Variants in TRPM3 observed in about 807,000 individuals in gnomAD.
The protein encoded by TRPM3 is transient receptor potential cation channel subfamily M member 3.
TRPM3 carries 77 observed loss-of-function variants against 181.2 expected under a neutral mutation model. The observed-to-expected ratio is 0.42, with a 90% CI of 0.35 to 0.51. The LOEUF is 0.51. TRPM3 is among the 20% of genes least tolerant of loss of function. The pLI is 0.01. For synonymous variants in TRPM3, 745 were observed against 796.4 expected (o/e 0.94, Z 1.09); for missense variants, 1,759 against 2,196.7 (o/e 0.80, Z 3.98).
intron 8 of TRPM3, chr9:70,760,593 G>A (rs931028854): frequency 1.3e-5 from 2 of 151,744 alleles, no homozygotes; most frequent in African/African-American, 4.8e-5. Flanking sequence ...AAACCTGGAA[G>A]CTGCTGAAAG....
At chr9:71,325,138 C>A (rs2089571099) in intron 1 of TRPM3, among the ~76,000 whole-genome samples, 1 of 152,060 alleles carries the variant, frequency 6.6e-6, no homozygotes, top group African/African-American at 2.4e-5. Context: ...AAAAAAATTT[C>A]TCACATACCT....
At chr9:70,606,071 C>A (rs1169668794) in intron 19 of TRPM3, among the ~76,000 whole-genome samples, 1 of 152,196 alleles carries the variant, frequency 6.6e-6, no homozygotes, top group African/African-American at 2.4e-5. Flanking sequence ...GGATTTAAAT[C>A]TCAGCTCACA....
intron 6 of TRPM3, among the ~76,000 whole-genome samples, chr9:70,809,570 C>A (rs188073083): frequency 6.6e-6 from 1 of 152,142 alleles, no homozygotes; most frequent in Non-Finnish European, 1.5e-5. Context: ...AGGTTTGTAG[C>A]CTACAAGCAA....
At chr9:71,382,391 A>C (rs1463664396) in intron 1 of TRPM3, among the ~76,000 whole-genome samples, 1 of 152,130 alleles carries the variant, frequency 6.6e-6, no homozygotes, top group Non-Finnish European at 1.5e-5. Context: ...GGTAAAAAAA[A>C]TGGAGGCTCT....
chr9:71,072,277 C>A (rs1030059699), intron 1 of TRPM3, among the ~76,000 whole-genome samples: 3 of 152,092 alleles, frequency 2.0e-5, no homozygotes, highest in Non-Finnish European at 4.4e-5. Flanking sequence ...TTAGGGTGGT[C>A]ATGAATTAAT....
chr9:70,544,200 T>C (rs572438185), intron 25 of TRPM3, among the ~76,000 whole-genome samples: 2 of 152,176 alleles, frequency 1.3e-5, no homozygotes, highest in Non-Finnish European at 2.9e-5. Context: ...TAAAAGCTTT[T>C]CCTGATATTT....
intron 1 of TRPM3, among the ~76,000 whole-genome samples, chr9:71,072,973 G>T (rs1007750241): frequency 5.9e-5 from 9 of 152,172 alleles, no homozygotes; most frequent in African/African-American, 1.9e-4. Context: ...GAAGCTCGAG[G>T]TGGCTGCCTT....
At chr9:71,041,117 C>T (rs1166927471) in intron 1 of TRPM3, among the ~76,000 whole-genome samples, 2 of 152,084 alleles carry the variant, frequency 1.3e-5, no homozygotes, top group African/African-American at 2.4e-5. Context: ...AGAGAATATC[C>T]TTGCTTTGGG....
chr9:71,118,438 T>C (rs931945016), intron 1 of TRPM3, among the ~76,000 whole-genome samples: 1 of 152,170 alleles, frequency 6.6e-6, no homozygotes. Flanking sequence ...AATAAGGAAA[T>C]AGGATTATGA....
At chr9:70,871,498 T>C (rs1373722785) in intron 1 of TRPM3, among the ~76,000 whole-genome samples, 1 of 152,030 alleles carries the variant, frequency 6.6e-6, no homozygotes, top group Admixed American at 6.6e-5. Flanking sequence ...CCATGAACTT[T>C]AACCAAAAAC....
At chr9:70,741,091 A>T (rs1011423013) in intron 8 of TRPM3, among the ~76,000 whole-genome samples, 1 of 152,224 alleles carries the variant, frequency 6.6e-6, no homozygotes, top group Non-Finnish European at 1.5e-5. Context: ...AGAATCTACA[A>T]GAAACTCAAA....
intron 22 of TRPM3, among the ~76,000 whole-genome samples, chr9:70,555,812 T>C (rs2047552785): frequency 6.6e-6 from 1 of 152,186 alleles, no homozygotes; most frequent in Non-Finnish European, 1.5e-5. Flanking sequence ...CACTCCTCTA[T>C]TCTGCCCTTT....
intron 1 of TRPM3, among the ~76,000 whole-genome samples, chr9:71,034,107 T>A (rs557054837): frequency 6.6e-6 from 1 of 152,318 alleles, no homozygotes; most frequent in East Asian, 1.9e-4. Context: ...CCTTTTCTTG[T>A]CAATGTTACA....
chr9:70,883,960 G>T (rs1335658446), intron 1 of TRPM3, among the ~76,000 whole-genome samples: 2 of 152,152 alleles, frequency 1.3e-5, no homozygotes, highest in African/African-American at 4.8e-5. Flanking sequence ...GTATATCAGG[G>T]GCAAGATCCT....
At chr9:71,326,545 G>A (rs1465739932) in intron 1 of TRPM3, among the ~76,000 whole-genome samples, 1 of 152,214 alleles carries the variant, frequency 6.6e-6, no homozygotes, top group Non-Finnish European at 1.5e-5. Flanking sequence ...GGTTGAATGA[G>A]TCATGAACTC....
intron 1 of TRPM3, among the ~76,000 whole-genome samples, chr9:71,026,564 G>A (rs962665819): frequency 8.5e-5 from 13 of 152,108 alleles, no homozygotes; most frequent in South Asian, 2.1e-4. Flanking sequence ...ATGTGTGTGC[G>A]TGTGCACTCT....
chr9:70,566,838 A>C (rs1020337216), intron 22 of TRPM3, among the ~76,000 whole-genome samples: 2 of 152,184 alleles, frequency 1.3e-5, no homozygotes, highest in African/African-American at 4.8e-5. Context: ...CGTGCCAGGG[A>C]GGGCTCAGGT....
At chr9:70,803,031 TGTAAA>T (rs2089594437) in intron 6 of TRPM3, among the ~76,000 whole-genome samples, 1 of 63,218 alleles carries the variant, frequency 1.6e-5, no homozygotes, top group Admixed American at 1.5e-4. Context: ...GGAGAAATTT[TGTAAA>T]AAAAAAAAAA....
At chr9:71,355,934 A>C (rs1451520714) in intron 1 of TRPM3, among the ~76,000 whole-genome samples, 1 of 152,168 alleles carries the variant, frequency 6.6e-6, no homozygotes, top group Non-Finnish European at 1.5e-5. Context: ...AACTTCTATT[A>C]AAGTCTGAAT....
Sources: allele counts gnomAD v4.1 joint callset (sites outside exome capture counted in the v4.1 genomes callset), GRCh38; gene constraint gnomAD v4.1.1; transcripts MANE v1.5; gene names NCBI Gene and HGNC (gene_info 2026-07-23, HGNC 2026-07-21).